Variants in SLC11A2 observed in about 807,000 individuals in gnomAD.
SLC11A2 encodes the protein solute carrier family 11 member 2.
Under a neutral mutation model 68.0 loss-of-function variants are expected in SLC11A2, and 38 were observed. The observed-to-expected ratio is 0.56, with a 90% CI of 0.43 to 0.73. The LOEUF is 0.73. Among genes scored for constraint, SLC11A2 ranks in the 30% least tolerant of loss-of-function variants. The pLI, the probability that SLC11A2 is intolerant of heterozygous loss-of-function variation, is 0.00. For missense variants in SLC11A2, 517 were observed against 690.5 expected, an observed-to-expected ratio of 0.75 and a Z score of 2.82; for synonymous variants, 242 against 250.6, an observed-to-expected ratio of 0.97 and a Z score of 0.32.
At position 50,991,582 on chromosome 12, in the gene SLC11A2, A is replaced by G; in HGVS notation, c.1421+17T>C. ...CATATCAGCATCCCCTTTGGGAACG[A>G]AGAGGAGTACACTCACAGTCCATTG... On this transcript the variant is annotated intron_variant, in intron 14 of 15. Transcript: ENST00000262052. 1 of 1,609,112 alleles carries G rather than the reference A, an allele frequency of 6.2e-7. No individual in the cohort carries two copies. The highest frequency in any genetic ancestry group is 1.3e-5 in the African/African-American group (1 of 74,962).
chr12:51,008,232 AGAT>A, intron 3 of SLC11A2: 1 of 325,086 alleles, frequency 3.1e-6, no homozygotes, highest in South Asian at 3.1e-5. Context: ...ACAGATAGAT[AGAT>A]AGATAGATAG....
chr12:50,965,614 C>A, the SLC11A2 span, among the ~76,000 whole-genome samples: 1 of 152,122 alleles, frequency 6.6e-6, no homozygotes. Context: ...AGACCCACAG[C>A]AAAACTCCAT....
chr12:51,000,112 G>A (rs989282011), intron 6 of SLC11A2, among the ~76,000 whole-genome samples: 4 of 152,084 alleles, frequency 2.6e-5, no homozygotes, highest in African/African-American at 7.2e-5. Context: ...TCTAATAAAG[G>A]TAAGCATAAC....
At position 51,000,417 on chromosome 12, in the gene SLC11A2, G is replaced by C; in HGVS notation, c.432C>G (p.Val144=). ...CCATCAGCCACAGGATGACTCGTGG[G>C]ACCTAAACATCAAACAGTAGAAAGA... ...AEVCHRQYPK[V]PRVILWLMVE... Residue 144 remains valine (V), a splice_region_variant and synonymous_variant, in exon 6 of 16, where the codon GTC becomes GTG. Coordinates refer to ENST00000262052, the MANE Select transcript of SLC11A2 (RefSeq NM_000617.3). 6.2e-7 allele frequency: 1 copy of C among 1,608,204 alleles called. No homozygotes were observed. Among genetic ancestry groups the C allele is most frequent in the Non-Finnish European group, 8.5e-7 (1 of 1,174,574 alleles).
At chr12:50,993,505 C>A (rs1290051889) in intron 11 of SLC11A2, among the ~76,000 whole-genome samples, 1 of 151,488 alleles carries the variant, frequency 6.6e-6, no homozygotes, top group Admixed American at 6.6e-5. Flanking sequence ...CAAGCCTAGG[C>A]AACATGGCAA....
At chr12:51,025,242 T>C (rs1448984228) in intron 1 of SLC11A2, among the ~76,000 whole-genome samples, 1 of 152,204 alleles carries the variant, frequency 6.6e-6, no homozygotes, top group East Asian at 1.9e-4. Flanking sequence ...GTTAGAATTC[T>C]TTAGAAGTGT....
At chr12:51,013,915 G>A (rs755457257) in intron 1 of SLC11A2, among the ~76,000 whole-genome samples, 5 of 151,858 alleles carry the variant, frequency 3.3e-5, no homozygotes, top group Non-Finnish European at 2.9e-5. Context: ...TCCGCCTCCC[G>A]GGTTCAAGCG....
At chr12:50,979,666 C>T (rs937334186), downstream of SLC11A2, 2 of 363,208 alleles carry the variant, frequency 5.5e-6, no homozygotes, top group African/African-American at 4.3e-5. Context: ...GGGTTGGCTG[C>T]TCTCATTATC....
At chr12:50,982,798 G>A (rs1052691866), downstream of SLC11A2, among the ~76,000 whole-genome samples, 3 of 151,796 alleles carry the variant, frequency 2.0e-5, no homozygotes, top group African/African-American at 7.3e-5. Context: ...AAAATTAGCG[G>A]GGCATGGTGG....
rs1167936718 is a variant in SLC11A2, at chr12:51,010,553, T to A, written c.34+142A>T. 4 of 550,900 alleles carry A rather than the reference T, an allele frequency of 7.3e-6. No homozygotes were observed. In the African/African-American group the frequency reaches 7.8e-5, roughly 11 times the overall value. The allele number at this position is 550,900 out of a possible 1,614,324, so 34.1% of individuals were successfully genotyped here. A position where few individuals can be genotyped will look rare whatever the true frequency, so the allele number is the denominator to read the frequency against. ...AATCCATTTTCATTTACAGCCTAAG[T>A]CACCAGATGGTGACTTTTGAATGGA... is the stretch of plus-strand genomic sequence containing the variant. On this transcript the variant is annotated intron_variant, in intron 2 of 15. Transcript: ENST00000262052.
In SLC11A2 at chr12:51,009,286, G is replaced by A. The variant is rs563984722; in HGVS notation, c.35-662C>T. On this transcript the variant is annotated intron_variant, in intron 2 of 15. Transcript: ENST00000262052. Reference sequence around the variant, plus strand: ...GCAGTAAAGTGCCGCCGGTCACGGGGTACTGGCACCCTCGTGATGGCAGGG... The same window carrying A: ...GCAGTAAAGTGCCGCCGGTCACGGGATACTGGCACCCTCGTGATGGCAGGG... 8.0e-5 allele frequency: 103 copies of A among 1,295,338 alleles called. 2 individuals are homozygous for A. The South Asian group carries it at 1.1e-3, about 14-fold the overall frequency. The allele number at this position is 1,295,338 out of a possible 1,614,324, so 80.2% of individuals were successfully genotyped here.
At chr12:50,981,768 A>G (rs1300966011), downstream of SLC11A2, 1 of 1,535,898 alleles carries the variant, frequency 6.5e-7, no homozygotes, top group African/African-American at 1.4e-5. Flanking sequence ...TGTTCAGAAG[A>G]TAGAGTTCAG....
intron 1 of SLC11A2, among the ~76,000 whole-genome samples, chr12:51,019,644 C>CTT (rs767266753): frequency 3.8e-4 from 52 of 135,724 alleles, no homozygotes; most frequent in Non-Finnish European, 4.1e-4. Context: ...ATCCATCCAA[C>CTT]TTTTTTTTTT....
chr12:51,013,259 T>C (rs1943374104), intron 1 of SLC11A2, among the ~76,000 whole-genome samples: 1 of 151,496 alleles, frequency 6.6e-6, no homozygotes, highest in Non-Finnish European at 1.5e-5. Context: ...ATTGTGGCCC[T>C]GATCAAAATG....
At chr12:50,992,980 C>T (rs1359693328) in intron 11 of SLC11A2, 51 bp from the exon 12 acceptor site, 3 of 1,610,760 alleles carry the variant, frequency 1.9e-6, no homozygotes, top group Non-Finnish European at 1.7e-6. Context: ...TCTGCTCAGA[C>T]AATATCCAAA....
Position 50,991,621 on chromosome 12 carries a change from T to C in SLC11A2, c.1399A>G (p.Met467Val), listed in dbSNP as rs776677707. The C allele has an allele frequency of 6.2e-7, 1 of 1,613,834 alleles. No homozygotes were observed. Residue 467 changes from methionine to valine, a missense_variant, in exon 14 of 16, where the codon ATG (methionine) becomes GTG (valine). Coordinates refer to ENST00000262052, the MANE Select transcript of SLC11A2 (RefSeq NM_000617.3). ...CACAGTCCATTGGCAAAGTCACTCA[T>C]TACTGGCCGCAAGCTCGTAAATGTG... Reference protein sequence around the residue: ...ILTFTSLRPVMSDFANGLGWR... With the variant: ...ILTFTSLRPVVSDFANGLGWR...
At chr12:50,960,765 C>A in the SLC11A2 span, among the ~76,000 whole-genome samples, 1 of 152,066 alleles carries the variant, frequency 6.6e-6, no homozygotes, top group African/African-American at 2.4e-5. Flanking sequence ...TCACTGAAGC[C>A]CTGAACTCCT....
At chr12:51,011,562 G>GT (rs900009705) in intron 1 of SLC11A2, among the ~76,000 whole-genome samples, 10 of 138,698 alleles carry the variant, frequency 7.2e-5, no homozygotes, top group East Asian at 6.4e-4. Flanking sequence ...GTTTTTTTTT[G>GT]TTTTTTTTTT....
rs940890290 is a variant in SLC11A2, at chr12:50,987,440, C to T, written c.*885G>A. 108 of 1,287,070 alleles carry T rather than the reference C, an allele frequency of 8.4e-5. No homozygotes were observed. Among genetic ancestry groups the T allele is most frequent in the Non-Finnish European group, 1.1e-4 (105 of 988,702 alleles). The allele number at this position is 1,287,070 out of a possible 1,614,324, so 79.7% of individuals were successfully genotyped here. On this transcript the variant is annotated 3_prime_UTR_variant, in exon 16 of 16. Coordinates refer to ENST00000262052, the MANE Select transcript of SLC11A2 (RefSeq NM_000617.3). ...CTCCTCCCTTAAAGTCTTTTCTCCC[C>T]ACCCTCAACATTTCACGAGAACATC...
Sources: gnomAD v4.1 joint callset for allele counts (sites outside exome capture counted in the v4.1 genomes callset) on GRCh38, gnomAD v4.1.1 for gene constraint, MANE v1.5 for transcripts, NCBI Gene and HGNC (gene_info 2026-07-23, HGNC 2026-07-21) for gene names.